The following CAST variants were observed in gnomAD, a reference collection of about 807,000 sequenced individuals.
The protein encoded by CAST is MIR583 host.
Under a neutral mutation model 119.6 loss-of-function variants are expected in CAST, and 76 were observed. That is an observed-to-expected ratio of 0.64 (90% confidence interval 0.53 to 0.77). CAST has a LOEUF of 0.77. CAST is among the 30% of genes least tolerant of loss of function. The pLI, the probability that CAST is intolerant of heterozygous loss-of-function variation, is 0.00. For synonymous variants in CAST, 319 were observed against 331.6 expected (o/e 0.96, Z 0.41); for missense variants, 953 against 946.5 (o/e 1.01, Z -0.09).
intron 8 of CAST, 28 bp from the exon 9 acceptor site, chr5:96,730,752 T>A (rs548555646): frequency 6.4e-7 from 1 of 1,551,036 alleles, no homozygotes; most frequent in Non-Finnish European, 8.9e-7. Flanking sequence ...TACTTAGCTC[T>A]GTCAACCTTT....
chr5:96,542,308 C>CAAAAAAAAAAAAA (rs759173589), intron 1 of CAST, among the ~76,000 whole-genome samples: 4 of 37,090 alleles, frequency 1.1e-4, no homozygotes, highest in African/African-American at 3.1e-4. Flanking sequence ...GACTTAGTCT[C>CAAAAAAAAAAAAA]AAAAAAAAAA....
At chr5:96,093,713 C>T in the CAST span, among the ~76,000 whole-genome samples, 1 of 152,014 alleles carries the variant, frequency 6.6e-6, no homozygotes, top group Non-Finnish European at 1.5e-5. Flanking sequence ...ACTTATGAGG[C>T]CCATGGGTAT....
At chr5:96,033,320 CA>C in the CAST span, among the ~76,000 whole-genome samples, 4 of 151,834 alleles carry the variant, frequency 2.6e-5, no homozygotes, top group Admixed American at 2.6e-4. Context: ...ATTATGAAAC[CA>C]CAAAAATTCT....
chr5:96,537,130 T>C (rs1167714881), intron 1 of CAST, among the ~76,000 whole-genome samples: 1 of 152,252 alleles, frequency 6.6e-6, no homozygotes, highest in Non-Finnish European at 1.5e-5. Context: ...TGAACTTCCC[T>C]GACTGCCTGC....
At chr5:96,765,791 T>C (rs944735780) in intron 26 of CAST, among the ~76,000 whole-genome samples, 1 of 148,786 alleles carries the variant, frequency 6.7e-6, no homozygotes, top group Non-Finnish European at 1.5e-5. Context: ...AAGATAATTA[T>C]TTAATCATTT....
intron 3 of CAST, among the ~76,000 whole-genome samples, chr5:96,711,560 G>A (rs1756158254): frequency 6.6e-6 from 1 of 152,140 alleles, no homozygotes; most frequent in East Asian, 1.9e-4. Context: ...TTACAACTAG[G>A]TAAGGAGGTA....
rs1023704542 is a variant in CAST at position 96,530,841 on chromosome 5, G to A, written c.60+961G>A. 5.9e-5 allele frequency among the ~76,000 whole-genome samples: 9 copies of A among 152,082 alleles called. No individual in the cohort carries two copies. In the East Asian group the frequency reaches 9.6e-4, roughly 16 times the overall value. On this transcript the variant is annotated intron_variant, in intron 1 of 11. Transcript: ENST00000505143. Reference sequence around the variant, plus strand: ...GGCTCTTACTCTGTCTCCCAGGCTGGAGTACAGTGGCACAATCCTGGCTCA... The same window carrying A: ...GGCTCTTACTCTGTCTCCCAGGCTGAAGTACAGTGGCACAATCCTGGCTCA...
At chr5:96,041,929 C>T in the CAST span, among the ~76,000 whole-genome samples, 2 of 152,086 alleles carry the variant, frequency 1.3e-5, no homozygotes, top group African/African-American at 2.4e-5. Context: ...TCTCTCTCAC[C>T]GCAATGGGGG....
At chr5:96,246,949 T>C in the CAST span, among the ~76,000 whole-genome samples, 6 of 152,374 alleles carry the variant, frequency 3.9e-5, no homozygotes, top group East Asian at 1.2e-3. Flanking sequence ...ATAGCAAGCA[T>C]TAAACATTTG....
chr5:96,423,251 C>T, the CAST span: 2 of 1,512,928 alleles, frequency 1.3e-6, no homozygotes, highest in Admixed American at 1.9e-5. Context: ...GAAGGAAAGC[C>T]CTAACTGTGT....
At chr5:96,194,850 G>A in the CAST span, among the ~76,000 whole-genome samples, 9 of 152,316 alleles carry the variant, frequency 5.9e-5, no homozygotes, top group South Asian at 1.9e-3. Flanking sequence ...TGCTGTGCAG[G>A]GCCAAGTGGC....
chr5:96,768,258 AT>A (rs112876748), intron 29 of CAST: 3 of 449,360 alleles, frequency 6.7e-6, no homozygotes, highest in Non-Finnish European at 8.2e-6. Flanking sequence ...TAATTTTTGT[AT>A]TTTTTTGTAG....
At chr5:96,753,977 G>T in intron 20 of CAST, 83 bp from the exon 21 acceptor site, 1 of 781,256 alleles carries the variant, frequency 1.3e-6, no homozygotes, top group South Asian at 1.4e-5. Flanking sequence ...CTGAAATAAT[G>T]ATATGCCTTT....
At chr5:95,992,017 A>G in the CAST span, among the ~76,000 whole-genome samples, 2 of 152,336 alleles carry the variant, frequency 1.3e-5, no homozygotes, top group African/African-American at 2.4e-5. Flanking sequence ...TATTTTCAGT[A>G]ACAGATGAAT....
At chr5:96,692,574 C>G (rs1176521576) in intron 2 of CAST, among the ~76,000 whole-genome samples, 1 of 152,220 alleles carries the variant, frequency 6.6e-6, no homozygotes, top group Non-Finnish European at 1.5e-5. Context: ...ATTCTTACCT[C>G]AGGGCCCTTG....
chr5:96,591,570 G>A (rs1426950557), intron 1 of CAST, among the ~76,000 whole-genome samples: 1 of 152,180 alleles, frequency 6.6e-6, no homozygotes, highest in East Asian at 1.9e-4. Context: ...TGACTGGAAG[G>A]CGAATAGGTC....
intron 1 of CAST, among the ~76,000 whole-genome samples, chr5:96,575,589 A>C (rs1012080852): frequency 2.8e-4 from 42 of 151,954 alleles, no homozygotes; most frequent in Non-Finnish European, 2.9e-5. Flanking sequence ...ACTAACTGGA[A>C]ATTTTTATTA....
intron 1 of CAST, among the ~76,000 whole-genome samples, chr5:96,546,693 T>TA (rs1746022824): frequency 6.6e-6 from 1 of 152,240 alleles, no homozygotes; most frequent in Non-Finnish European, 1.5e-5. Context: ...TAAGGTTTTT[T>TA]ATGTGACTCT....
chr5:96,465,913 A>G, the CAST span, among the ~76,000 whole-genome samples: 5 of 152,174 alleles, frequency 3.3e-5, no homozygotes, highest in East Asian at 5.8e-4. Flanking sequence ...TTCTATATCT[A>G]TTCATCTGTG....
Sources: gnomAD v4.1 joint callset for allele counts (sites outside exome capture counted in the v4.1 genomes callset) on GRCh38, gnomAD v4.1.1 for gene constraint, MANE v1.5 for transcripts, NCBI Gene and HGNC (gene_info 2026-07-23, HGNC 2026-07-21) for gene names.